Variants in CSMD1 observed in about 807,000 individuals in gnomAD.
CSMD1 encodes the protein CUB and sushi domain-containing protein 1.
CSMD1 carries 213 observed loss-of-function variants against 417.5 expected under a neutral mutation model. The observed-to-expected ratio is 0.51, with a 90% confidence interval of 0.46 to 0.57. The LOEUF (loss-of-function observed/expected upper bound fraction) is 0.57. Among genes scored for constraint, CSMD1 ranks in the 20% least tolerant of loss-of-function variants. The pLI is 0.00. For synonymous variants in CSMD1, 2,862 were observed against 1,736.8 expected, an observed-to-expected ratio of 1.65 and a Z score of -16.11; for missense variants, 6,923 against 4,529.7, an observed-to-expected ratio of 1.53 and a Z score of -15.17.
chr8:3,289,628 T>G (rs1254163749), intron 25 of CSMD1, among the ~76,000 whole-genome samples: 5 of 147,070 alleles, frequency 3.4e-5, no homozygotes, highest in African/African-American at 1.4e-4. Flanking sequence ...TGTCTTCTTT[T>G]GAGAAGTGTC....
At chr8:4,371,669 T>C in intron 3 of CSMD1, among the ~76,000 whole-genome samples, 1 of 152,342 alleles carries the variant, frequency 6.6e-6, no homozygotes, top group East Asian at 1.9e-4. Flanking sequence ...AGTTCTTATA[T>C]CTTAAAGTTA....
At chr8:4,545,983 T>C (rs1797612663) in intron 2 of CSMD1, among the ~76,000 whole-genome samples, 1 of 152,036 alleles carries the variant, frequency 6.6e-6, no homozygotes, top group Non-Finnish European at 1.5e-5. Context: ...CCCCTTCTTA[T>C]GACCCCCTTC....
intron 2 of CSMD1, among the ~76,000 whole-genome samples, chr8:4,563,194 G>A (rs1000629224): frequency 1.3e-5 from 2 of 152,142 alleles, no homozygotes; most frequent in Admixed American, 1.3e-4. Context: ...GAGGTCAGGA[G>A]ATTGAGACCA....
At chr8:4,194,379 TG>T (rs1799211702) in intron 3 of CSMD1, among the ~76,000 whole-genome samples, 1 of 152,128 alleles carries the variant, frequency 6.6e-6, no homozygotes, top group Non-Finnish European at 1.5e-5. Flanking sequence ...TTGCTCACAT[TG>T]GCATCAGTCA....
At chr8:3,439,850 A>G (rs1305922118) in intron 12 of CSMD1, among the ~76,000 whole-genome samples, 1 of 152,170 alleles carries the variant, frequency 6.6e-6, no homozygotes, top group Admixed American at 6.5e-5. Flanking sequence ...TGAGATTCAC[A>G]TGGAGGCACA....
At chr8:3,611,799 T>A (rs1260551479) in intron 8 of CSMD1, among the ~76,000 whole-genome samples, 1 of 152,090 alleles carries the variant, frequency 6.6e-6, no homozygotes, top group Non-Finnish European at 1.5e-5. Flanking sequence ...TATTTTCAAA[T>A]GACCAATGTA....
chr8:3,624,597 A>C (rs1563209341), intron 7 of CSMD1, among the ~76,000 whole-genome samples: 1 of 152,164 alleles, frequency 6.6e-6, no homozygotes, highest in Non-Finnish European at 1.5e-5. Flanking sequence ...GAGGTGACGT[A>C]TGTTTTTATC....
chr8:3,151,302 A>G (rs1563089585), intron 40 of CSMD1, 95 bp downstream of exon 40: 3 of 744,590 alleles, frequency 4.0e-6, no homozygotes, highest in Non-Finnish European at 6.9e-6. Flanking sequence ...AGATACAGTT[A>G]TGCCAACAGA....
chr8:3,250,631 C>T (rs1390206931), intron 26 of CSMD1, among the ~76,000 whole-genome samples: 1 of 152,200 alleles, frequency 6.6e-6, no homozygotes, highest in African/African-American at 2.4e-5. Context: ...GAGGAATCGC[C>T]ACACTGTCTT....
intron 1 of CSMD1, among the ~76,000 whole-genome samples, chr8:4,850,380 A>ATATATTTTTT (rs1403352847): frequency 2.4e-5 from 2 of 82,768 alleles, no homozygotes; most frequent in African/African-American, 4.9e-5. Flanking sequence ...AATCCAATTT[A>ATATATTTTTT]TCTTTTTTTT....
rs1807325042 is a variant in CSMD1, at chr8:4,932,682, C to G, written c.85+61650G>C. On this transcript the variant is annotated intron_variant, in intron 1 of 69. Coordinates refer to ENST00000635120, the MANE Select transcript of CSMD1 (RefSeq NM_033225.6). ...GTAAAGGCTGCAGGAATGAATGACA[C>G]AGTAAATGCCAGCAACACACCATGT... is the stretch of plus-strand genomic sequence containing the variant. 2.6e-5 allele frequency among the ~76,000 whole-genome samples: 4 copies of G among 152,276 alleles called. No homozygotes were observed. The South Asian group carries it at 8.3e-4, about 32-fold the overall frequency.
chr8:3,595,880 G>T (rs894704798), intron 8 of CSMD1, among the ~76,000 whole-genome samples: 1 of 152,224 alleles, frequency 6.6e-6, no homozygotes, highest in African/African-American at 2.4e-5. Flanking sequence ...GGGTTTGGAT[G>T]CAGCCAGGAC....
At chr8:4,172,860 G>A (rs1200968465) in intron 3 of CSMD1, among the ~76,000 whole-genome samples, 3 of 152,070 alleles carry the variant, frequency 2.0e-5, no homozygotes, top group African/African-American at 2.4e-5. Context: ...ACAGCCGTGT[G>A]CGTAGGCATA....
rs372648856 is a variant in CSMD1, at chr8:4,720,677, T to C, written c.86-83119A>G. ...ACTCGATTGATCCACCTGCCTTGGC[T>C]TCCCAAAGAGCTGGGATTACAGGTG... On this transcript the variant is annotated intron_variant, in intron 1 of 69. Transcript: ENST00000635120. Among the ~76,000 whole-genome samples, 274 of 152,294 alleles carry C rather than the reference T, an allele frequency of 1.8e-3. 9 individuals are homozygous for C. In the South Asian group the frequency reaches 0.048, roughly 27 times the overall value.
intron 2 of CSMD1, among the ~76,000 whole-genome samples, chr8:4,480,211 C>A (rs73514662): frequency 0.015 from 2,256 of 146,078 alleles, 61 homozygotes; most frequent in African/African-American, 0.056. Flanking sequence ...CAAAAAAAAA[C>A]CGAGAAGGAA....
At chr8:3,993,740 G>C (rs1156687477) in intron 5 of CSMD1, among the ~76,000 whole-genome samples, 1 of 152,218 alleles carries the variant, frequency 6.6e-6, no homozygotes, top group African/African-American at 2.4e-5. Context: ...CAAAGCGGAA[G>C]AAATGTTCTT....
At chr8:4,725,019 T>C (rs1254709434) in intron 1 of CSMD1, among the ~76,000 whole-genome samples, 1 of 152,196 alleles carries the variant, frequency 6.6e-6, no homozygotes, top group Non-Finnish European at 1.5e-5. Flanking sequence ...GAACACGTTT[T>C]AAATATTTAT....
In CSMD1 at chr8:4,624,805, T is replaced by C. The variant is rs139203129; in HGVS notation, c.302+12537A>G. On this transcript the variant is annotated intron_variant, in intron 2 of 69. Coordinates refer to ENST00000635120, the MANE Select transcript of CSMD1 (RefSeq NM_033225.6). The stretch of plus-strand genomic sequence containing the variant: ...TGTGACCCTAGTCAAGTCCAGAAAG[T>C]GACCCACACAGACCTCAGAGTCCAC... 7.3e-3 allele frequency among the ~76,000 whole-genome samples: 1,114 copies of C among 152,266 alleles called. 14 individuals are homozygous for C. Among genetic ancestry groups the C allele is most frequent in the African/African-American group, 0.025 (1,034 of 41,550 alleles).
chr8:4,948,060 T>G (rs1362939053), intron 1 of CSMD1, among the ~76,000 whole-genome samples: 1 of 151,358 alleles, frequency 6.6e-6, no homozygotes, highest in African/African-American at 2.5e-5. Context: ...GATACCATAG[T>G]AGTAGAATTT....
Sources: allele counts gnomAD v4.1 joint callset (sites outside exome capture counted in the v4.1 genomes callset), GRCh38; gene constraint gnomAD v4.1.1; transcripts MANE v1.5; gene names NCBI Gene and HGNC (gene_info 2026-07-23, HGNC 2026-07-21).